The following CC2D2A variants were observed in gnomAD, a reference collection of about 807,000 sequenced individuals.
The protein encoded by CC2D2A is coiled-coil and C2 domain-containing protein 2A.
A neutral mutation model predicts 212.9 loss-of-function variants in CC2D2A; 155 were observed. That is an observed-to-expected ratio of 0.73 (90% CI 0.64 to 0.83). The LOEUF (loss-of-function observed/expected upper bound fraction) is 0.83. Among genes scored for constraint, CC2D2A ranks in the 40% least tolerant of loss-of-function variants. The pLI is 0.00. For missense variants in CC2D2A, 1,856 were observed against 1,956.2 expected, an observed-to-expected ratio of 0.95 and a Z score of 0.97; for synonymous variants, 667 against 686.5, an observed-to-expected ratio of 0.97 and a Z score of 0.44.
At chr4:15,508,609 G>T (rs1716390687) in intron 6 of CC2D2A, among the ~76,000 whole-genome samples, 1 of 152,288 alleles carries the variant, frequency 6.6e-6, no homozygotes, top group East Asian at 1.9e-4. Context: ...GGTTTCAACT[G>T]CCAAGCTCTA....
chr4:15,480,190 G>A (rs1315000215), intron 3 of CC2D2A, among the ~76,000 whole-genome samples: 1 of 152,206 alleles, frequency 6.6e-6, no homozygotes, highest in Non-Finnish European at 1.5e-5. Flanking sequence ...CCCACAGTCA[G>A]TCTGAGTTTG....
chr4:15,558,783 C>T (rs1719418595), intron 21 of CC2D2A, among the ~76,000 whole-genome samples: 1 of 152,074 alleles, frequency 6.6e-6, no homozygotes, highest in Non-Finnish European at 1.5e-5. Context: ...GATGACCTGG[C>T]TCAGCTACAG....
Position 15,555,148 on chromosome 4 carries a change from GC to G in CC2D2A, c.2564del (p.Ala855GlufsTer16), listed in dbSNP as rs773118296. Reference sequence around the variant, plus strand: ...AGACATGAAAAAATTGGCCAAGTGGGCAGCAGAGTCCAAGCTCGACCCAAAT... The same window carrying G: ...AGACATGAAAAAATTGGCCAAGTGGGAGCAGAGTCCAAGCTCGACCCAAAT... Reference protein sequence around the residue: ...LTDMKKLAKWAAESKLDPNDP... With the variant: ...LTDMKKLAKWXAESKLDPNDP... On this transcript the variant is annotated frameshift_variant, in exon 20 of 37. Transcript: ENST00000424120. LOFTEE classifies it high-confidence loss of function. 1 of 1,613,800 alleles carries G rather than the reference GC, an allele frequency of 6.2e-7. No individual in the cohort carries two copies. The highest frequency in any genetic ancestry group is 1.7e-5 in the Admixed American group (1 of 60,014).
intron 7 of CC2D2A, 67 bp from the exon 8 acceptor site, chr4:15,511,180 G>A (rs1716548397): frequency 1.4e-6 from 2 of 1,476,210 alleles, no homozygotes; most frequent in Admixed American, 5.4e-5. Flanking sequence ...CCAGCTGTCA[G>A]TTAATTGTGC....
chr4:15,512,569 T>C (rs1055019209), intron 8 of CC2D2A, among the ~76,000 whole-genome samples: 1 of 152,194 alleles, frequency 6.6e-6, no homozygotes, highest in Non-Finnish European at 1.5e-5. Flanking sequence ...GAATGTTTAA[T>C]GGGTATAGAA....
intron 28 of CC2D2A, among the ~76,000 whole-genome samples, chr4:15,571,615 A>AAG (rs2109075349): frequency 6.6e-6 from 1 of 151,848 alleles, no homozygotes; most frequent in Admixed American, 6.6e-5. Flanking sequence ...CCAAAAAAAA[A>AAG]AAAAAGACCA....
chr4:15,481,426 G>A, intron 4 of CC2D2A: 1 of 337,570 alleles, frequency 3.0e-6, no homozygotes, highest in African/African-American at 2.2e-5. Flanking sequence ...CATGAGAATT[G>A]CTTGAACCTG....
chr4:15,548,337 C>T (rs1467021465), intron 17 of CC2D2A, among the ~76,000 whole-genome samples: 1 of 151,996 alleles, frequency 6.6e-6, no homozygotes, highest in Non-Finnish European at 1.5e-5. Flanking sequence ...GAATAAGCCG[C>T]CTTCCACTGA....
At chr4:15,485,161 C>T (rs1714926668) in intron 4 of CC2D2A, among the ~76,000 whole-genome samples, 1 of 152,194 alleles carries the variant, frequency 6.6e-6, no homozygotes, top group Non-Finnish European at 1.5e-5. Flanking sequence ...CTCTGGTAAC[C>T]ATCATTCTAC....
intron 11 of CC2D2A, chr4:15,519,107 A>C: frequency 5.8e-6 from 1 of 173,588 alleles, no homozygotes; most frequent in South Asian, 1.1e-4. Flanking sequence ...CTCCCCTTAT[A>C]AAACTGAATG....
At chr4:15,529,503 G>A (rs931304568) in intron 13 of CC2D2A, among the ~76,000 whole-genome samples, 11 of 152,084 alleles carry the variant, frequency 7.2e-5, no homozygotes, top group African/African-American at 2.7e-4. Context: ...CATATCTGCA[G>A]GTATCAACAT....
chr4:15,492,715 C>A, intron 4 of CC2D2A: 1 of 794,002 alleles, frequency 1.3e-6, no homozygotes, highest in Non-Finnish European at 2.1e-6. Context: ...TCTGGTGGTC[C>A]AGGGGTCTTA....
chr4:15,599,615 GTCACTTCTTGCCTCTGTTA>G lies in CC2D2A; in HGVS notation c.4584_4602del (p.His1529LysfsTer8). ...AATAGGTATTGTACCTCTACTCTGC[GTCACTTCTTGCCTCTGTTA>G]GAAAAAAGTCAAGGAGAAGATGTAG... On this transcript the variant is annotated frameshift_variant, in exon 36 of 37. Transcript: ENST00000424120. LOFTEE classifies it high-confidence loss of function. The G allele has an allele frequency of 6.2e-7, 1 of 1,613,350 alleles. No individual in the cohort carries two copies. Among genetic ancestry groups the G allele is most frequent in the Non-Finnish European group, 8.5e-7 (1 of 1,179,474 alleles).
intron 34 of CC2D2A, among the ~76,000 whole-genome samples, chr4:15,596,848 T>C (rs1304718739): frequency 6.6e-6 from 1 of 152,202 alleles, no homozygotes; most frequent in African/African-American, 2.4e-5. Flanking sequence ...AGAAAAATTA[T>C]GTAACACGAT....
At chr4:15,516,305 T>C (rs894189402) in intron 10 of CC2D2A, among the ~76,000 whole-genome samples, 6 of 152,222 alleles carry the variant, frequency 3.9e-5, no homozygotes, top group African/African-American at 1.4e-4. Context: ...ATAGGTAGAA[T>C]AGTTTCACTT....
chr4:15,476,772 C>T (rs947231073), intron 2 of CC2D2A, among the ~76,000 whole-genome samples: 1 of 152,184 alleles, frequency 6.6e-6, no homozygotes, highest in Non-Finnish European at 1.5e-5. Context: ...ATTTCTGACT[C>T]ATTGTATGTA....
rs191748681 is a variant in CC2D2A at position 15,586,462 on chromosome 4, A to G, written c.4065+216A>G. On this transcript the variant is annotated intron_variant, in intron 31 of 36. Transcript: ENST00000424120. The stretch of plus-strand genomic sequence containing the variant: ...AAAAATTAATTACACAAAAAATTTA[A>G]AAGTAACACTTCAGATGTCTTAATG... Among the ~76,000 whole-genome samples the G allele has an allele frequency of 1.3e-3, 195 of 152,354 alleles. 1 individual carries two copies. The highest frequency in any genetic ancestry group is 4.4e-3 in the African/African-American group (183 of 41,592).
At chr4:15,522,570 C>T in intron 11 of CC2D2A, among the ~76,000 whole-genome samples, 1 of 151,060 alleles carries the variant, frequency 6.6e-6, no homozygotes, top group Non-Finnish European at 1.5e-5. Flanking sequence ...TATTCTGTTC[C>T]TAATATTGTC....
At chr4:15,516,508 G>A in intron 10 of CC2D2A, 117 bp from the exon 11 acceptor site, 1 of 920,486 alleles carries the variant, frequency 1.1e-6, no homozygotes, top group Non-Finnish European at 1.6e-6. Context: ...TGTTGGGGGA[G>A]GAAGTACATG....
Sources: gnomAD v4.1 joint callset for allele counts (sites outside exome capture counted in the v4.1 genomes callset) on GRCh38, gnomAD v4.1.1 for gene constraint, MANE v1.5 for transcripts, NCBI Gene and HGNC (gene_info 2026-07-23, HGNC 2026-07-21) for gene names.